The following IAPP variants were observed in gnomAD, a reference collection of about 807,000 sequenced individuals.
IAPP encodes Islet amyloid polypeptide (diabetes-associated peptide; amylin).
Under a neutral mutation model 2.9 loss-of-function variants are expected in IAPP, and 4 were observed. The observed-to-expected ratio is 1.39, with a 90% CI of 0.69 to 3.19. The LOEUF (loss-of-function observed/expected upper bound fraction) is 3.19. Ranked by LOEUF, IAPP falls within the 30% of genes most tolerant of loss-of-function variation. The probability of loss-of-function intolerance (pLI) is 0.01; values close to 1 mark genes in which losing one functional copy is unlikely to be tolerated. For synonymous variants in IAPP, 40 were observed against 42.1 expected (o/e 0.95, Z 0.19); for missense variants, 114 against 105.3 (o/e 1.08, Z -0.36).
chr12:21,355,371 T>A (rs1938283774), intron 1 of IAPP, among the ~76,000 whole-genome samples: 1 of 152,178 alleles, frequency 6.6e-6, no homozygotes, highest in South Asian at 2.1e-4. Context: ...TTTTTATGGC[T>A]AAGCTCACAG....
At chr12:21,369,409 AT>A (rs1939625369), upstream of IAPP, among the ~76,000 whole-genome samples, 1 of 152,150 alleles carries the variant, frequency 6.6e-6, no homozygotes, top group Non-Finnish European at 1.5e-5. Flanking sequence ...CCACCCTCTA[AT>A]TCATTCCACA....
intron 1 of IAPP, 160 bp from the exon 2 acceptor site, chr12:21,373,177 A>G (rs1352411553): frequency 4.9e-6 from 3 of 616,396 alleles, no homozygotes; most frequent in African/African-American, 1.9e-5. Context: ...AATTACTTGA[A>G]AAGTGGACAA....
At chr12:21,366,830 A>G (rs1939425506) in intron 1 of IAPP, among the ~76,000 whole-genome samples, 1 of 152,000 alleles carries the variant, frequency 6.6e-6, no homozygotes, top group African/African-American at 2.4e-5. Context: ...ACTTCATAGA[A>G]GTTAAATAAT....
At chr12:21,363,987 A>C (rs1431056639) in intron 1 of IAPP, among the ~76,000 whole-genome samples, 1 of 152,230 alleles carries the variant, frequency 6.6e-6, no homozygotes, top group Non-Finnish European at 1.5e-5. Flanking sequence ...AGCTGGTACC[A>C]TTCCTTCTGA....
Position 21,365,648 on chromosome 12 carries a change from T to A in IAPP, c.-15-7689T>A, listed in dbSNP as rs183327988. ...GGAGAAAATTTTTACAATCTACCCA[T>A]CTGACAAAGGGCTAATATCCAGAAT... On this transcript the variant is annotated intron_variant, in intron 1 of 2. Transcript: ENST00000539393. Among the ~76,000 whole-genome samples, 1,305 of 152,142 alleles carry A rather than the reference T, an allele frequency of 8.6e-3. 16 individuals are homozygous for A. Among genetic ancestry groups the A allele is most frequent in the African/African-American group, 0.027 (1,121 of 41,508 alleles).
At chr12:21,370,757 G>A (rs1939726362), upstream of IAPP, among the ~76,000 whole-genome samples, 1 of 152,114 alleles carries the variant, frequency 6.6e-6, no homozygotes, top group Non-Finnish European at 1.5e-5. Context: ...GAGTCATAAA[G>A]CTAAGCTTTG....
intron 1 of IAPP, among the ~76,000 whole-genome samples, chr12:21,363,832 C>G (rs918643689): frequency 6.6e-6 from 1 of 152,140 alleles, no homozygotes. Flanking sequence ...ATACACCCTC[C>G]TAAGACTAAA....
At chr12:21,373,187 A>G (rs1591894572) in intron 1 of IAPP, 150 bp from the exon 2 acceptor site, 7 of 641,574 alleles carry the variant, frequency 1.1e-5, no homozygotes, top group Non-Finnish European at 1.9e-5. Context: ...AAAGTGGACA[A>G]TATTAAGGGA....
At chr12:21,367,959 A>G (rs751895843), upstream of IAPP, among the ~76,000 whole-genome samples, 13 of 152,218 alleles carry the variant, frequency 8.5e-5, no homozygotes, top group Non-Finnish European at 1.8e-4. Context: ...ATTTCAACTA[A>G]TAAATGACAA....
chr12:21,358,267 C>A (rs1022298759), intron 1 of IAPP, among the ~76,000 whole-genome samples: 3 of 152,242 alleles, frequency 2.0e-5, no homozygotes, highest in African/African-American at 7.2e-5. Flanking sequence ...ATTAAGCTTG[C>A]TAATTTGCAG....
At chr12:21,361,671 G>A (rs945732462) in intron 1 of IAPP, among the ~76,000 whole-genome samples, 4 of 152,118 alleles carry the variant, frequency 2.6e-5, no homozygotes, top group African/African-American at 7.2e-5. Context: ...TGGCAGTGTA[G>A]AGAAAAGACA....
upstream of IAPP, among the ~76,000 whole-genome samples, chr12:21,368,383 T>C (rs1939542366): frequency 6.6e-6 from 1 of 151,954 alleles, no homozygotes; most frequent in East Asian, 1.9e-4. Context: ...ATGTGAAAAA[T>C]AACGGACAGA....
chr12:21,368,110 C>T (rs1382830046), upstream of IAPP, among the ~76,000 whole-genome samples: 1 of 152,072 alleles, frequency 6.6e-6, no homozygotes, highest in East Asian at 1.9e-4. Context: ...GCTATCTGAA[C>T]CCACTGATCA....
chr12:21,378,240 T>A lies in IAPP; in HGVS notation c.84T>A (p.His28Gln). 1 of 1,614,110 alleles carries A rather than the reference T, an allele frequency of 6.2e-7. No homozygotes were observed. The highest frequency in any genetic ancestry group is 8.5e-7 in the Non-Finnish European group (1 of 1,179,944). ...CACATTTGTTCCATGTTACCAGTCA[T>A]CAGGTGGAAAAGCGGAAATGCAACA... Reference protein sequence around the residue: ...NHLKATPIESHQVEKRKCNTA... With the variant: ...NHLKATPIESQQVEKRKCNTA... Residue 28 changes from histidine to glutamine, a missense_variant, in exon 3 of 3, where the codon CAT becomes CAA. Physicochemically the swap from His to Gln is conservative, Grantham distance 24. Coordinates refer to ENST00000240652, the MANE Select transcript of IAPP (RefSeq NM_000415.3).
intron 1 of IAPP, among the ~76,000 whole-genome samples, chr12:21,357,460 C>G (rs1207932157): frequency 6.6e-6 from 1 of 152,204 alleles, no homozygotes; most frequent in African/African-American, 2.4e-5. Flanking sequence ...GACTTCTTGC[C>G]TCCAGAACTG....
chr12:21,376,403 C>T (rs1591898407), intron 2 of IAPP: 3 of 274,266 alleles, frequency 1.1e-5, no homozygotes, highest in Non-Finnish European at 2.3e-5. Flanking sequence ...TATGAAATTA[C>T]TAGTTCAATC....
At chr12:21,360,141 G>T (rs990424618) in intron 1 of IAPP, among the ~76,000 whole-genome samples, 3 of 152,120 alleles carry the variant, frequency 2.0e-5, no homozygotes, top group Middle Eastern at 3.2e-3. Context: ...AGTGGGTTGG[G>T]GAGTAGAAGG....
intron 2 of IAPP, chr12:21,376,322 G>T: frequency 2.8e-6 from 1 of 352,476 alleles, no homozygotes; most frequent in East Asian, 9.1e-5. Context: ...CTTTTTTTGA[G>T]ATGTTTGGAC....
chr12:21,378,125 A>G, intron 2 of IAPP, 112 bp from the exon 3 acceptor site: 1 of 946,000 alleles, frequency 1.1e-6, no homozygotes, highest in Non-Finnish European at 1.6e-6. Flanking sequence ...TGAGTTACTT[A>G]TGTGAAAATT....
Sources: allele counts gnomAD v4.1 joint callset (sites outside exome capture counted in the v4.1 genomes callset), GRCh38; gene constraint gnomAD v4.1.1; transcripts MANE v1.5; gene names NCBI Gene and HGNC (gene_info 2026-07-23, HGNC 2026-07-21).